The following DNAJC13 variants were observed in gnomAD, a reference collection of about 807,000 sequenced individuals.
DNAJC13 encodes dnaJ homolog subfamily C member 13.
DNAJC13 carries 75 observed loss-of-function variants against 290.5 expected under a neutral mutation model. The observed-to-expected ratio is 0.26, with a 90% CI of 0.21 to 0.31. The LOEUF (loss-of-function observed/expected upper bound fraction) is 0.31, where lower values mean the gene tolerates loss of function less well. Ranked by LOEUF, DNAJC13 falls within the 10% of genes least tolerant of loss-of-function variation. The pLI, the probability that DNAJC13 is intolerant of heterozygous loss-of-function variation, is 1.00. For missense variants in DNAJC13, 2,260 were observed against 2,674.5 expected (o/e 0.85, Z 3.42); for synonymous variants, 862 against 892.0 (o/e 0.97, Z 0.60).
At chr3:132,537,636 A>G (rs1438680909) in intron 55 of DNAJC13, among the ~76,000 whole-genome samples, 1 of 152,270 alleles carries the variant, frequency 6.6e-6, no homozygotes, top group Non-Finnish European at 1.5e-5. Context: ...GTTTTAACCT[A>G]TGACAGATGG....
chr3:132,494,145 T>G lies in DNAJC13; in HGVS notation c.3827T>G (p.Val1276Gly), dbSNP rs1227844400. The stretch of plus-strand genomic sequence containing the variant: ...AAATTTTAATCTTTTGTCTTTAAGG[T>G]TAAGCTTCTAAAAGATACCCTTGAT... ...RFPDWPIKDP[V>G]KLLKDTLDAW... is the part of the protein sequence containing the mutation. Residue 1276 changes from valine (V) to glycine (G), a missense_variant and splice_region_variant, in exon 34 of 56, where the codon GTT becomes GGT. Physicochemically the swap from Val to Gly is moderately radical, Grantham distance 109. This residue lies in a region of DNAJC13 where 1,494 missense variants were observed against 1,693.7 expected (regional missense o/e 0.88). Coordinates refer to ENST00000260818, the MANE Select transcript of DNAJC13 (RefSeq NM_015268.4). The G allele has an allele frequency of 6.3e-7, 1 of 1,592,290 alleles. No homozygotes were observed. The highest frequency in any genetic ancestry group is 8.5e-7 in the Non-Finnish European group (1 of 1,169,656).
intron 54 of DNAJC13, 62 bp downstream of exon 54, chr3:132,528,394 C>T: frequency 6.3e-7 from 1 of 1,579,222 alleles, no homozygotes; most frequent in Non-Finnish European, 8.6e-7. Context: ...CATGGATGGT[C>T]CACGTACCTG....
At chr3:132,530,327 T>C (rs183962743) in intron 54 of DNAJC13, among the ~76,000 whole-genome samples, 4 of 152,362 alleles carry the variant, frequency 2.6e-5, no homozygotes, top group East Asian at 3.9e-4. Context: ...ATACTAGATA[T>C]GAACATTGAT....
chr3:132,477,147 G>T (rs1204756799), intron 22 of DNAJC13, among the ~76,000 whole-genome samples: 1 of 152,142 alleles, frequency 6.6e-6, no homozygotes, highest in Non-Finnish European at 1.5e-5. Flanking sequence ...TATATATTTG[G>T]TTTTATATAA....
Position 132,505,378 on chromosome 3 carries a change from A to C in DNAJC13, c.4961A>C (p.Glu1654Ala), listed in dbSNP as rs202044084. The C allele has an allele frequency of 6.4e-5, 103 of 1,608,056 alleles. No individual in the cohort carries two copies. The highest frequency in any genetic ancestry group is 1.7e-4 in the Middle Eastern group (1 of 6,056). ...AATTCTACAAGAGCAGAATTACTTG[A>C]ATTTCTTGAATCCCAACAAGAAAAC... ...WNNSTRAELLEFLESQQENMI... is the reference protein window; with the variant it reads ...WNNSTRAELLAFLESQQENMI... The change falls in exon 42 of 56, where the codon GAA (glutamate) becomes GCA (alanine). Residue 1654 changes from glutamate (E) to alanine (A), a missense_variant. Physicochemically the swap from Glu to Ala is moderately radical, Grantham distance 107 (BLOSUM62 -1). Around this residue, in one of 3 missense-constraint regions of DNAJC13, gnomAD observed 1,494 missense variants for 1,693.7 expected, o/e 0.88. Transcript: ENST00000260818.
At chr3:132,446,746 G>A (rs905234093) in intron 3 of DNAJC13, among the ~76,000 whole-genome samples, 196 bp downstream of exon 3, 1 of 3,004 alleles carries the variant, frequency 3.3e-4, no homozygotes, top group African/African-American at 1.4e-3. Flanking sequence ...GGGAGAATAT[G>A]CTTATTTCTA....
rs58965739 is a variant in DNAJC13, at chr3:132,460,842, TCCTTTTGAG to T, written c.1558-207_1558-199del. ...CTCTTGAAATTTGAATTTTAATTGT[TCCTTTTGAG>T]GTATGATGGATAATGGATTCACTAT... On this transcript the variant is annotated intron_variant, in intron 14 of 55. Transcript: ENST00000260818. Among the ~76,000 whole-genome samples the T allele has an allele frequency of 0.038, 5,794 of 152,266 alleles. 362 individuals are homozygous for T. The highest frequency in any genetic ancestry group is 0.13 in the African/African-American group (5,382 of 41,518).
At position 132,477,829 on chromosome 3, in the gene DNAJC13, A is replaced by C; in HGVS notation, c.2486A>C (p.Asp829Ala). Reference sequence around the variant, plus strand: ...CTGGCAGAGGAAATTAAAATAGGAGACTATTACCTGAGATTACTATTGGAG... The same window carrying C: ...CTGGCAGAGGAAATTAAAATAGGAGCCTATTACCTGAGATTACTATTGGAG... ...ECLAEEIKIG[D>A]YYLRLLLEED... Residue 829 changes from aspartate to alanine, a missense_variant, in exon 23 of 56, where the codon GAC becomes GCC. Around this residue, in one of 3 missense-constraint regions of DNAJC13, gnomAD observed 1,494 missense variants for 1,693.7 expected, o/e 0.88. Coordinates refer to ENST00000260818, the MANE Select transcript of DNAJC13 (RefSeq NM_015268.4). 6.2e-7 allele frequency: 1 copy of C among 1,613,106 alleles called. No homozygotes were observed. Among genetic ancestry groups the C allele is most frequent in the African/African-American group, 1.3e-5 (1 of 74,972 alleles).
chr3:132,529,786 CAAAAAAA>C (rs11402210), intron 54 of DNAJC13, among the ~76,000 whole-genome samples: 1 of 92,852 alleles, frequency 1.1e-5, no homozygotes, highest in East Asian at 3.0e-4. Flanking sequence ...GACTCTGTCT[CAAAAAAA>C]AAAAAAAAAA....
Position 132,434,751 on chromosome 3 carries a change from A to T in DNAJC13, c.68+133A>T. On this transcript the variant is annotated intron_variant, in intron 2 of 55. Coordinates refer to ENST00000260818, the MANE Select transcript of DNAJC13 (RefSeq NM_015268.4). The stretch of plus-strand genomic sequence containing the variant: ...TTCTCTTCTGAAAAACGTGCATATT[A>T]TAAATGTAAATGCTACATGTATTTT... 5.5e-6 allele frequency: 3 copies of T among 548,060 alleles called. No homozygotes were observed. In the East Asian group the frequency reaches 9.5e-5, roughly 17 times the overall value. 33.9% of individuals were successfully genotyped at this position (548,060 alleles called of 1,614,324 possible). A position where few individuals can be genotyped will look rare whatever the true frequency, so the allele number is the denominator to read the frequency against.
rs761886979 is a variant in DNAJC13, at chr3:132,513,112, T to C, written c.5385+13T>C. ...GTTGGCTTTAGAGGTAAAAGCGTTT[T>C]GTACTAAAGCGTGTTGCCTTTCCTA... On this transcript the variant is annotated intron_variant, in intron 45 of 55. Transcript: ENST00000260818. 6.2e-7 allele frequency: 1 copy of C among 1,605,836 alleles called. No homozygotes were observed. Among genetic ancestry groups the C allele is most frequent in the Non-Finnish European group, 8.5e-7 (1 of 1,172,834 alleles).
chr3:132,470,984 A>C (rs1228707940), intron 20 of DNAJC13, among the ~76,000 whole-genome samples: 14 of 74,216 alleles, frequency 1.9e-4, no homozygotes, highest in African/African-American at 3.1e-4. Flanking sequence ...GGCGCCCCTC[A>C]CCTCCCGGAC....
chr3:132,426,571 G>T (rs1939096600), intron 1 of DNAJC13, among the ~76,000 whole-genome samples: 1 of 152,182 alleles, frequency 6.6e-6, no homozygotes, highest in African/African-American at 2.4e-5. Context: ...GTTTGTGGTT[G>T]TTGATAGCAT....
Position 132,460,262 on chromosome 3 carries a change from G to A in DNAJC13, c.1462G>A (p.Asp488Asn). Residue 488 changes from aspartate to asparagine, a missense_variant, in exon 14 of 56, where the codon GAC becomes AAC. Asp to Asn is a conservative substitution (Grantham distance 23). Around this residue, in one of 3 missense-constraint regions of DNAJC13, gnomAD observed 762 missense variants for 964.1 expected, o/e 0.79. Coordinates refer to ENST00000260818, the MANE Select transcript of DNAJC13 (RefSeq NM_015268.4). ...TTTTCATCAATAGCCCATGCATGAT[G>A]ACTATGACTTAAGACAAGAACAGTT... ...LCALMCPMHDDYDLRQEQLNK... is the reference protein window; with the variant it reads ...LCALMCPMHDNYDLRQEQLNK... 1 of 1,602,332 alleles carries A rather than the reference G, an allele frequency of 6.2e-7. No homozygotes were observed. Among genetic ancestry groups the A allele is most frequent in the South Asian group, 1.1e-5 (1 of 90,006 alleles).
intron 22 of DNAJC13, among the ~76,000 whole-genome samples, chr3:132,476,594 G>A (rs1370836797): frequency 1.3e-5 from 2 of 152,158 alleles, no homozygotes; most frequent in East Asian, 3.9e-4. Context: ...TCCTTAAAAT[G>A]ACTTAAAACC....
At chr3:132,529,221 T>C (rs1936343294) in intron 54 of DNAJC13, among the ~76,000 whole-genome samples, 1 of 152,238 alleles carries the variant, frequency 6.6e-6, no homozygotes, top group Non-Finnish European at 1.5e-5. Context: ...CCTTTGTGTC[T>C]ATCTTGTCAT....
At chr3:132,506,772 G>A (rs973047383) in intron 42 of DNAJC13, among the ~76,000 whole-genome samples, 26 of 151,558 alleles carry the variant, frequency 1.7e-4, no homozygotes, top group African/African-American at 6.3e-4. Flanking sequence ...AGATGGTCTC[G>A]ATCTCTTGAC....
At chr3:132,526,332 G>A (rs565021689) in intron 53 of DNAJC13, 51 bp downstream of exon 53, 79 of 1,604,700 alleles carry the variant, frequency 4.9e-5, no homozygotes, top group Non-Finnish European at 6.4e-5. Flanking sequence ...AACATACCAA[G>A]TAGATTTTTA....
At chr3:132,504,300 G>C (rs1186303380) in intron 41 of DNAJC13, among the ~76,000 whole-genome samples, 1 of 140,952 alleles carries the variant, frequency 7.1e-6, no homozygotes, top group Non-Finnish European at 1.5e-5. Context: ...AGGAGCTCTA[G>C]ATGCTACTGG....
Sources: gnomAD v4.1 joint callset for allele counts (sites outside exome capture counted in the v4.1 genomes callset) on GRCh38, gnomAD v4.1.1 for gene constraint, gnomAD v4.1.1 regional missense constraint, MANE v1.5 for transcripts, NCBI Gene and HGNC (gene_info 2026-07-23, HGNC 2026-07-21) for gene names.